The following NEK5 variants were observed in gnomAD, a reference collection of about 807,000 sequenced individuals.
NEK5 encodes serine/threonine-protein kinase Nek5.
A neutral mutation model predicts 109.2 loss-of-function variants in NEK5; 88 were observed. That is an observed-to-expected ratio of 0.81 (90% CI 0.68 to 0.96). NEK5 has a LOEUF of 0.96. NEK5 is among the 40% of genes least tolerant of loss of function. The pLI is 0.00. For synonymous variants in NEK5, 283 were observed against 299.9 expected, an observed-to-expected ratio of 0.94 and a Z score of 0.58; for missense variants, 834 against 920.7, an observed-to-expected ratio of 0.91 and a Z score of 1.22.
At chr13:52,083,163 T>G in intron 17 of NEK5, 97 bp downstream of exon 17, 1 of 770,900 alleles carries the variant, frequency 1.3e-6, no homozygotes, top group Non-Finnish European at 2.2e-6. Context: ...AAAAAAAAAG[T>G]TCCCTACGTG....
chr13:52,123,321 CAA>C (rs765058022), intron 3 of NEK5, among the ~76,000 whole-genome samples: 12 of 152,094 alleles, frequency 7.9e-5, no homozygotes, highest in Non-Finnish European at 1.6e-4. Context: ...GGCATAGTGA[CAA>C]GAGTAGTTCA....
rs1955095907 is a variant in NEK5 at position 52,084,752 on chromosome 13, AGAGAGAGAGAGT to A, written c.1480-1412_1480-1401del. ...GAGAGAGTGAGAGAGAGAGAGAGAG[AGAGAGAGAGAGT>A]GTGTGTGTGTGTGTGTGTGTGTGTG... On this transcript the variant is annotated intron_variant, in intron 16 of 23. Coordinates refer to ENST00000684899, the MANE Select transcript of NEK5 (RefSeq NM_001365552.1). Among the ~76,000 whole-genome samples, 56 of 51,908 alleles carry A rather than the reference AGAGAGAGAGAGT, an allele frequency of 1.1e-3. 2 individuals carry two copies. In the South Asian group the frequency reaches 0.026, roughly 24 times the overall value. 34.1% of individuals were successfully genotyped at this position (51,908 alleles called of 152,430 possible).
chr13:52,127,484 G>C lies in NEK5; in HGVS notation c.-2C>G. 1 of 1,518,482 alleles carries C rather than the reference G, an allele frequency of 6.6e-7. No homozygotes were observed. The highest frequency in any genetic ancestry group is 9.1e-7 in the Non-Finnish European group (1 of 1,093,408). The allele number at this position is 1,518,482 out of a possible 1,614,324, so 94.1% of individuals were successfully genotyped here. On this transcript the variant is annotated 5_prime_UTR_variant, in exon 3 of 24. Transcript: ENST00000684899. The stretch of plus-strand genomic sequence containing the variant: ...CTTAATCACATCGTACTTATCCATG[G>C]TCTCCAATGGGCTGAGTTTCCTGGA...
chr13:52,065,393 T>C (rs1265034499), intron 21 of NEK5, 91 bp downstream of exon 21: 1 of 1,565,398 alleles, frequency 6.4e-7, no homozygotes, highest in Non-Finnish European at 8.8e-7. Context: ...GGGTGTATAG[T>C]GAGAAGTAGA....
At chr13:52,070,195 G>A (rs1399304004) in intron 20 of NEK5, among the ~76,000 whole-genome samples, 1 of 152,172 alleles carries the variant, frequency 6.6e-6, no homozygotes, top group African/African-American at 2.4e-5. Context: ...ATTCCAGCAG[G>A]CTGTATGGAT....
Position 52,036,935 on chromosome 13 carries a change from A to G in NEK5, c.*13T>C. On this transcript the variant is annotated 3_prime_UTR_variant, in exon 24 of 24. Transcript: ENST00000684899. ...ATAGACACTAACTTATTACTTAAGA[A>G]AAAGTACAATAATCACACTTGTATA... 2.0e-6 allele frequency: 2 copies of G among 983,594 alleles called. No homozygotes were observed. Among genetic ancestry groups the G allele is most frequent in the Non-Finnish European group, 2.4e-6 (2 of 828,260 alleles). The allele number at this position is 983,594 out of a possible 1,614,324, so 60.9% of individuals were successfully genotyped here.
chr13:52,050,596 C>T (rs1223140005), intron 22 of NEK5, among the ~76,000 whole-genome samples: 1 of 147,470 alleles, frequency 6.8e-6, no homozygotes, highest in Non-Finnish European at 1.5e-5. Context: ...ACCCAAAGCA[C>T]ACACACACCT....
At chr13:52,056,750 G>A (rs1335869399) in intron 22 of NEK5, among the ~76,000 whole-genome samples, 7 of 151,736 alleles carry the variant, frequency 4.6e-5, no homozygotes, top group Non-Finnish European at 1.0e-4. Flanking sequence ...TGAACCCAAC[G>A]AGAACAAAGA....
At chr13:52,108,249 C>T in intron 8 of NEK5, 69 bp downstream of exon 8, 2 of 862,944 alleles carry the variant, frequency 2.3e-6, no homozygotes, top group South Asian at 1.6e-5. Context: ...ATTTTAGTTT[C>T]TGGAATCTTC....
At chr13:52,093,792 T>C (rs539220876) in intron 12 of NEK5, among the ~76,000 whole-genome samples, 3 of 152,278 alleles carry the variant, frequency 2.0e-5, no homozygotes, top group African/African-American at 7.2e-5. Flanking sequence ...TCATGGCTAG[T>C]ATGTGAAAAA....
chr13:52,094,481 C>T (rs965576886), intron 12 of NEK5, among the ~76,000 whole-genome samples: 1 of 152,208 alleles, frequency 6.6e-6, no homozygotes, highest in African/African-American at 2.4e-5. Flanking sequence ...TAGATTGGAC[C>T]ATATGAAATT....
In NEK5 at chr13:52,119,376, T is replaced by C. The variant is rs531979032; in HGVS notation, c.157A>G (p.Ile53Val). ...QEKEASKKEV[I>V]LLEKMKHPNI... is the part of the protein sequence containing the mutation. The stretch of plus-strand genomic sequence containing the variant: ...GGATGTTTCATCTTTTCCAGAAGAA[T>C]CACTTCTTTCTTTGAAGCTTCTTTT... The change falls in exon 4 of 24, where the codon ATT becomes GTT. Residue 53 changes from isoleucine to valine, a missense_variant. By Grantham distance (29) the Ile-to-Val change is conservative (BLOSUM62 3). Around this residue, in one of 2 missense-constraint regions of NEK5, gnomAD observed 777 missense variants for 824.7 expected, o/e 0.94. Transcript: ENST00000684899. The C allele has an allele frequency of 1.6e-5, 26 of 1,603,562 alleles. No individual in the cohort carries two copies. The African/African-American group carries it at 2.7e-4, about 16-fold the overall frequency.
At chr13:52,060,233 T>TA (rs199580178) in intron 22 of NEK5, among the ~76,000 whole-genome samples, 3,273 of 152,290 alleles carry the variant, frequency 0.021, 61 homozygotes, top group Middle Eastern at 0.075. Context: ...CTGTTCCACA[T>TA]AAAAAAATTC....
chr13:52,071,744 A>C (rs984308548), intron 20 of NEK5, among the ~76,000 whole-genome samples, 200 bp downstream of exon 20: 1 of 152,196 alleles, frequency 6.6e-6, no homozygotes, highest in Non-Finnish European at 1.5e-5. Context: ...GGTATGGAGC[A>C]GGAGAGGAGG....
chr13:52,122,581 A>G (rs1218347916), intron 3 of NEK5, among the ~76,000 whole-genome samples: 8 of 152,194 alleles, frequency 5.3e-5, no homozygotes, highest in African/African-American at 1.9e-4. Flanking sequence ...AGCCTGGCCA[A>G]CATAGTGAAA....
chr13:52,052,134 T>A (rs981247272), intron 22 of NEK5, among the ~76,000 whole-genome samples: 3 of 139,648 alleles, frequency 2.1e-5, no homozygotes, highest in African/African-American at 5.3e-5. Context: ...CCCTCTTTTC[T>A]GGACCAAACC....
chr13:52,065,518 G>A lies in NEK5; in HGVS notation c.1941C>T (p.Ala647=), dbSNP rs760410706. The change falls in exon 21 of 24, where the codon GCC becomes GCT. Residue 647 remains alanine, a synonymous_variant. Transcript: ENST00000684899. ...CCGTGGGGCAGGTGGAGGTGATGTC[G>A]GCCACTGCCATCATCTGCAGCAGAG... is the stretch of plus-strand genomic sequence containing the variant. The part of the protein sequence containing the change: ...PQTLLQMMAV[A]DITSTCPTGP... 139 of 1,613,430 alleles carry A rather than the reference G, an allele frequency of 8.6e-5. 1 individual carries two copies. In the Middle Eastern group the frequency reaches 2.0e-3, roughly 23 times the overall value.
Position 52,050,101 on chromosome 13 carries a change from T to G in NEK5, c.2228+3A>C. On this transcript the variant is annotated splice_donor_region_variant and intron_variant, in intron 23 of 23. Transcript: ENST00000684899. ...CTTAGGTATCGGCAAATGATCTACTTACGTATCATCATCATCAGATCTTGG... is the reference window on the plus strand; with the variant it reads ...CTTAGGTATCGGCAAATGATCTACTGACGTATCATCATCATCAGATCTTGG... The G allele has an allele frequency of 1.0e-6, 1 of 965,626 alleles. No homozygotes were observed. Among genetic ancestry groups the G allele is most frequent in the Non-Finnish European group, 1.2e-6 (1 of 811,430 alleles). The allele number at this position is 965,626 out of a possible 1,614,324, so 59.8% of individuals were successfully genotyped here.
chr13:52,053,499 A>C (rs2058293804), intron 22 of NEK5, among the ~76,000 whole-genome samples: 1 of 152,002 alleles, frequency 6.6e-6, no homozygotes, highest in Admixed American at 6.6e-5. Context: ...TGAAATAAAA[A>C]TCTTGACTTT....
Sources: gnomAD v4.1 joint callset for allele counts (sites outside exome capture counted in the v4.1 genomes callset) on GRCh38, gnomAD v4.1.1 for gene constraint, gnomAD v4.1.1 regional missense constraint, MANE v1.5 for transcripts, NCBI Gene and HGNC (gene_info 2026-07-23, HGNC 2026-07-21) for gene names.